The following TVP23C variants were observed in gnomAD, a reference collection of about 807,000 sequenced individuals.
The protein encoded by TVP23C is Golgi apparatus membrane protein TVP23 homolog C.
A neutral mutation model predicts 28.7 loss-of-function variants in TVP23C; 19 were observed. The ratio of observed to expected loss-of-function variants is 0.66; its 90% CI spans 0.46 to 0.97. The LOEUF is 0.97. Ranked by LOEUF, TVP23C falls within the 50% of genes least tolerant of loss-of-function variation. TVP23C has a pLI of 0.00. For missense variants in TVP23C, 186 were observed against 241.3 expected (o/e 0.77, Z 1.52); for synonymous variants, 68 against 81.7 (o/e 0.83, Z 0.90).
In TVP23C at chr17:15,558,517, C is replaced by A. The variant is rs967741767; in HGVS notation, c.13-3153G>T. On this transcript the variant is annotated intron_variant, in intron 1 of 5. Coordinates refer to ENST00000518321, the MANE Select transcript of TVP23C (RefSeq NM_001135036.2). ...AAGGATCTTGAGGTCAAGAGATCAT[C>A]CTGGATTACCCAGGCTGGTCAGATG... Among the ~76,000 whole-genome samples the A allele has an allele frequency of 1.4e-5, 2 of 147,900 alleles. 1 individual carries two copies. The highest frequency in any genetic ancestry group is 3.0e-5 in the Non-Finnish European group (2 of 66,562).
downstream of TVP23C, among the ~76,000 whole-genome samples, chr17:15,532,835 A>G (rs185277540): frequency 1.3e-4 from 20 of 152,306 alleles, 1 homozygote; most frequent in African/African-American, 4.6e-4. Flanking sequence ...CATCTACTAC[A>G]TTCACTTAGA....
Position 15,539,831 on chromosome 17 carries a change from C to T in TVP23C, c.*581G>A, listed in dbSNP as rs553566523. The T allele has an allele frequency of 4.2e-4, 407 of 959,482 alleles. No individual in the cohort carries two copies. The highest frequency in any genetic ancestry group is 4.9e-4 in the Non-Finnish European group (395 of 806,506). The allele number at this position is 959,482 out of a possible 1,614,324, so 59.4% of individuals were successfully genotyped here. ...CATACAGGCTGGGCACGGTGGCTCA[C>T]GCCTGTAATCCCAGCACTTTGGGAG... is the stretch of plus-strand genomic sequence containing the variant. On this transcript the variant is annotated 3_prime_UTR_variant, in exon 6 of 6. Transcript: ENST00000518321.
chr17:15,552,716 G>T (rs1367597923), intron 3 of TVP23C, among the ~76,000 whole-genome samples: 1 of 152,066 alleles, frequency 6.6e-6, no homozygotes, highest in African/African-American at 2.4e-5. Flanking sequence ...TCTAAAAATG[G>T]CTACATTGGT....
In TVP23C at chr17:15,539,333, C is replaced by A; in HGVS notation, c.*1079G>T. On this transcript the variant is annotated 3_prime_UTR_variant, in exon 6 of 6. Transcript: ENST00000518321. ...ATATAAAGACCTAGTCACGGCCAGG[C>A]GCCGTGGCTCACGCCTGTAATCCCA... 1.0e-6 allele frequency: 1 copy of A among 984,522 alleles called. No individual in the cohort carries two copies. Among genetic ancestry groups the A allele is most frequent in the Non-Finnish European group, 1.2e-6 (1 of 829,144 alleles). 61.0% of individuals were successfully genotyped at this position (984,522 alleles called of 1,614,324 possible). A position where few individuals can be genotyped will look rare whatever the true frequency, so the allele number is the denominator to read the frequency against.
At chr17:15,517,155 C>T (rs1982263411) in intron 5 of TVP23C, among the ~76,000 whole-genome samples, 1 of 152,214 alleles carries the variant, frequency 6.6e-6, no homozygotes, top group Non-Finnish European at 1.5e-5. Context: ...TTTTTGTGGA[C>T]TACTTGGCTG....
exon 6 of TVP23C, chr17:15,502,783 CT>C: frequency 8.9e-6 from 13 of 1,465,804 alleles, no homozygotes; most frequent in Non-Finnish European, 2.7e-6. Context: ...ACTCTCTTCC[CT>C]CCCTCTCTCC....
intron 5 of TVP23C, among the ~76,000 whole-genome samples, chr17:15,511,076 A>C (rs1024623121): frequency 6.0e-5 from 9 of 149,548 alleles, no homozygotes; most frequent in Non-Finnish European, 1.3e-4. Context: ...AAAAAAAAAA[A>C]GATAATGGAA....
At chr17:15,526,748 A>G (rs562945886) in intron 5 of TVP23C, among the ~76,000 whole-genome samples, 5 of 152,344 alleles carry the variant, frequency 3.3e-5, no homozygotes, top group South Asian at 2.1e-4. Flanking sequence ...CAAGCAAGAG[A>G]GAACTGGGGC....
At chr17:15,507,835 T>A (rs151115443) in intron 5 of TVP23C, among the ~76,000 whole-genome samples, 2,811 of 151,676 alleles carry the variant, frequency 0.019, 91 homozygotes, top group African/African-American at 0.063. Context: ...CGAGACTCCA[T>A]CTCAAAAAAA....
intron 1 of TVP23C, among the ~76,000 whole-genome samples, chr17:15,559,955 G>T (rs575561030): frequency 2.7e-5 from 4 of 149,434 alleles, no homozygotes; most frequent in East Asian, 3.9e-4. Flanking sequence ...GAGCCAGGAG[G>T]GGGTAGTGTC....
At chr17:15,540,752 A>T (rs1983377351) in intron 5 of TVP23C, among the ~76,000 whole-genome samples, 191 bp from the exon 6 acceptor site, 1 of 152,120 alleles carries the variant, frequency 6.6e-6, no homozygotes, top group South Asian at 2.1e-4. Flanking sequence ...CGCTCTGCAC[A>T]AGGCACGAGT....
chr17:15,556,751 C>G (rs1984151364), intron 1 of TVP23C, among the ~76,000 whole-genome samples: 1 of 152,190 alleles, frequency 6.6e-6, no homozygotes, highest in Non-Finnish European at 1.5e-5. Flanking sequence ...TAGCGCCACT[C>G]ACCAGCCTCC....
chr17:15,546,206 A>G (rs748143084), intron 4 of TVP23C, among the ~76,000 whole-genome samples: 2 of 152,108 alleles, frequency 1.3e-5, no homozygotes, highest in Non-Finnish European at 2.9e-5. Context: ...CACTTGTACT[A>G]TTTATTCATA....
At chr17:15,535,243 G>A (rs1983109302), downstream of TVP23C, among the ~76,000 whole-genome samples, 1 of 152,056 alleles carries the variant, frequency 6.6e-6, no homozygotes, top group Admixed American at 6.6e-5. Context: ...AAGCTGGATG[G>A]ACCTTGGTTA....
chr17:15,502,557 G>C (rs550445880), exon 6 of TVP23C: 2 of 304,248 alleles, frequency 6.6e-6, no homozygotes, highest in South Asian at 1.0e-4. Context: ...CTGGCTCACC[G>C]CATCCTTCCT....
At chr17:15,524,767 C>A in intron 5 of TVP23C, among the ~76,000 whole-genome samples, 1 of 152,140 alleles carries the variant, frequency 6.6e-6, no homozygotes, top group African/African-American at 2.4e-5. Context: ...CTTATCTAAC[C>A]CTGGAAGGTT....
chr17:15,517,907 C>A (rs1056979413), intron 5 of TVP23C, among the ~76,000 whole-genome samples: 1 of 152,154 alleles, frequency 6.6e-6, no homozygotes, highest in African/African-American at 2.4e-5. Context: ...TGGCTCACAC[C>A]TGTAATCCCA....
intron 5 of TVP23C, among the ~76,000 whole-genome samples, chr17:15,541,920 C>T (rs144750125): frequency 0.013 from 2,005 of 152,202 alleles, 21 homozygotes; most frequent in Non-Finnish European, 0.02. Context: ...GCTAAGGCAT[C>T]GATTTACTCA....
intron 2 of TVP23C, among the ~76,000 whole-genome samples, chr17:15,554,307 G>T: frequency 6.9e-6 from 1 of 144,518 alleles, no homozygotes; most frequent in Non-Finnish European, 1.5e-5. Context: ...GCGCAATCTC[G>T]GCTCACTGCA....
Sources: gnomAD v4.1 joint callset for allele counts (sites outside exome capture counted in the v4.1 genomes callset) on GRCh38, gnomAD v4.1.1 for gene constraint, MANE v1.5 for transcripts, NCBI Gene and HGNC (gene_info 2026-07-23, HGNC 2026-07-21) for gene names.